Variants in SCFD2 observed in about 807,000 individuals in gnomAD.
SCFD2 encodes the protein sec1 family domain-containing protein 2.
Under a neutral mutation model 58.9 loss-of-function variants are expected in SCFD2, and 54 were observed. The observed-to-expected ratio is 0.92, with a 90% confidence interval of 0.74 to 1.15. The LOEUF (loss-of-function observed/expected upper bound fraction) is 1.15. SCFD2 is among the 50% of genes most tolerant of loss of function. The probability of loss-of-function intolerance (pLI) is 0.00; values close to 1 mark genes in which losing one functional copy is unlikely to be tolerated. For missense variants in SCFD2, 805 were observed against 836.6 expected, an observed-to-expected ratio of 0.96 and a Z score of 0.47; for synonymous variants, 321 against 335.9, an observed-to-expected ratio of 0.96 and a Z score of 0.49.
At chr4:53,281,086 G>A (rs1731493625) in intron 3 of SCFD2, among the ~76,000 whole-genome samples, 1 of 152,134 alleles carries the variant, frequency 6.6e-6, no homozygotes, top group Non-Finnish European at 1.5e-5. Context: ...TGTTTGATTC[G>A]ACCTGATCTC....
At chr4:53,217,471 CTTT>C (rs1395994151) in intron 4 of SCFD2, among the ~76,000 whole-genome samples, 2 of 152,046 alleles carry the variant, frequency 1.3e-5, no homozygotes, top group African/African-American at 4.8e-5. Context: ...CAACCCCTGC[CTTT>C]TTTTGTTTTC....
intron 8 of SCFD2, among the ~76,000 whole-genome samples, chr4:52,883,835 T>C (rs6852148): frequency 0.26 from 40,245 of 152,058 alleles, 5,559 homozygotes; most frequent in African/African-American, 0.35. Flanking sequence ...AGAAATCTCA[T>C]CAGCTATGAC....
chr4:52,961,945 T>C (rs186480787), intron 5 of SCFD2, among the ~76,000 whole-genome samples: 16 of 152,220 alleles, frequency 1.1e-4, no homozygotes, highest in Admixed American at 1.0e-3. Context: ...AAGGGAGGCT[T>C]GGAATGACAT....
intron 8 of SCFD2, among the ~76,000 whole-genome samples, chr4:52,879,604 A>G (rs1718560919): frequency 6.6e-6 from 1 of 152,204 alleles, no homozygotes; most frequent in Admixed American, 6.5e-5. Context: ...CCTTCAGCCC[A>G]CACTTGATAT....
chr4:53,280,044 A>G (rs1001879499), intron 3 of SCFD2, among the ~76,000 whole-genome samples: 2 of 152,250 alleles, frequency 1.3e-5, no homozygotes, highest in Admixed American at 6.5e-5. Context: ...ATTACTGCAT[A>G]TACTTGACAA....
intron 5 of SCFD2, among the ~76,000 whole-genome samples, chr4:53,117,099 T>C (rs764222394): frequency 2.6e-5 from 4 of 152,162 alleles, no homozygotes; most frequent in Non-Finnish European, 5.9e-5. Context: ...AGAGTAGCAC[T>C]CTGTGTACTG....
At chr4:53,302,569 AT>A (rs1350513899) in intron 3 of SCFD2, among the ~76,000 whole-genome samples, 2 of 152,258 alleles carry the variant, frequency 1.3e-5, no homozygotes, top group African/African-American at 4.8e-5. Context: ...CAAGCTACCA[AT>A]GCCTTTCTTC....
At chr4:53,268,592 G>A (rs1438536850) in intron 4 of SCFD2, among the ~76,000 whole-genome samples, 1 of 152,190 alleles carries the variant, frequency 6.6e-6, no homozygotes, top group Non-Finnish European at 1.5e-5. Flanking sequence ...CCTGCAGAAT[G>A]AGGAGGGTAT....
intron 6 of SCFD2, among the ~76,000 whole-genome samples, chr4:52,909,971 G>A (rs908751944): frequency 2.6e-5 from 4 of 152,118 alleles, no homozygotes; most frequent in African/African-American, 7.2e-5. Flanking sequence ...ACATTGACTC[G>A]CTTAAACTTC....
chr4:53,113,109 A>G (rs1380676777), intron 5 of SCFD2, among the ~76,000 whole-genome samples: 2 of 151,978 alleles, frequency 1.3e-5, no homozygotes, highest in East Asian at 1.9e-4. Flanking sequence ...TCCCCAACCC[A>G]ATCCCTTTGC....
chr4:53,220,370 A>T (rs1301807069), intron 4 of SCFD2, among the ~76,000 whole-genome samples: 1 of 152,188 alleles, frequency 6.6e-6, no homozygotes, highest in Non-Finnish European at 1.5e-5. Context: ...TGTTTTCTTA[A>T]CTAGAATGTA....
At chr4:53,144,493 TAC>T (rs200327884) in intron 5 of SCFD2, among the ~76,000 whole-genome samples, 2,822 of 148,020 alleles carry the variant, frequency 0.019, 36 homozygotes, top group Middle Eastern at 0.05. Context: ...TGTATATATA[TAC>T]ACACACAGGT....
rs557111800 is a variant in SCFD2, at chr4:53,005,651, C to T, written c.1562-84781G>A. On this transcript the variant is annotated intron_variant, in intron 5 of 8. Coordinates refer to ENST00000401642, the MANE Select transcript of SCFD2 (RefSeq NM_152540.4). ...GCATCTATTTCCTGAAGTCCTTTGGCCCCTTAAAGAAGGGTCAAGCTATAA... is the reference window on the plus strand; with the variant it reads ...GCATCTATTTCCTGAAGTCCTTTGGTCCCTTAAAGAAGGGTCAAGCTATAA... Among the ~76,000 whole-genome samples the T allele has an allele frequency of 3.9e-5, 6 of 152,234 alleles. No homozygotes were observed. The South Asian group carries it at 1.2e-3, about 32-fold the overall frequency.
chr4:53,325,609 T>C (rs1314041042), intron 2 of SCFD2, among the ~76,000 whole-genome samples: 3 of 152,210 alleles, frequency 2.0e-5, no homozygotes, highest in Admixed American at 6.5e-5. Context: ...GATTTACTGA[T>C]AGCAGCTTTC....
intron 5 of SCFD2, among the ~76,000 whole-genome samples, chr4:52,985,301 G>GCA (rs1721463148): frequency 6.6e-6 from 1 of 152,148 alleles, no homozygotes; most frequent in Non-Finnish European, 1.5e-5. Context: ...TCTGAGTACA[G>GCA]TTTTAGGACC....
intron 5 of SCFD2, among the ~76,000 whole-genome samples, chr4:53,126,696 G>A (rs908716676): frequency 1.3e-5 from 2 of 152,116 alleles, no homozygotes; most frequent in East Asian, 1.9e-4. Context: ...TCCCTCACAC[G>A]TGGGACAAAT....
rs570045773 is a variant in SCFD2, at chr4:53,202,618, G to A, written c.1312-57036C>T. Among the ~76,000 whole-genome samples the A allele has an allele frequency of 2.6e-3, 403 of 152,296 alleles. 1 individual carries two copies. The highest frequency in any genetic ancestry group is 9.2e-3 in the African/African-American group (383 of 41,548). On this transcript the variant is annotated intron_variant, in intron 4 of 8. Coordinates refer to ENST00000401642, the MANE Select transcript of SCFD2 (RefSeq NM_152540.4). ...TTGAATCTGTAAATTACCTTGGGCAGTATGGCCATTTTCACGATATTGATT... is the reference window on the plus strand; with the variant it reads ...TTGAATCTGTAAATTACCTTGGGCAATATGGCCATTTTCACGATATTGATT...
chr4:53,130,587 TC>T (rs1725759550), intron 5 of SCFD2, among the ~76,000 whole-genome samples: 2 of 151,852 alleles, frequency 1.3e-5, no homozygotes, highest in Admixed American at 1.3e-4. Context: ...ATCTCCCCTC[TC>T]CCTCTACACA....
intron 4 of SCFD2, among the ~76,000 whole-genome samples, chr4:53,212,126 T>C (rs574105539): frequency 1.3e-5 from 2 of 152,242 alleles, no homozygotes; most frequent in East Asian, 3.9e-4. Context: ...CACTCAGGCA[T>C]GGCACCTCTA....
Sources: allele counts gnomAD v4.1 joint callset (sites outside exome capture counted in the v4.1 genomes callset), GRCh38; gene constraint gnomAD v4.1.1; transcripts MANE v1.5; gene names NCBI Gene and HGNC (gene_info 2026-07-23, HGNC 2026-07-21).